The following FOXN3 variants were observed in gnomAD, a reference collection of about 807,000 sequenced individuals.
The protein encoded by FOXN3 is forkhead box N3.
A neutral mutation model predicts 38.4 loss-of-function variants in FOXN3; 7 were observed. That is an observed-to-expected ratio of 0.18 (90% confidence interval 0.10 to 0.34). The LOEUF is 0.34. Among genes scored for constraint, FOXN3 ranks in the 10% least tolerant of loss-of-function variants. The pLI, the probability that FOXN3 is intolerant of heterozygous loss-of-function variation, is 1.00. For missense variants in FOXN3, 456 were observed against 613.4 expected (o/e 0.74, Z 2.71); for synonymous variants, 230 against 242.2 (o/e 0.95, Z 0.47).
chr14:89,435,713 C>A (rs1298669560), intron 1 of FOXN3, among the ~76,000 whole-genome samples: 3 of 152,238 alleles, frequency 2.0e-5, no homozygotes, highest in African/African-American at 7.2e-5. Context: ...CAGCTATCCA[C>A]AGGGATCTGA....
chr14:89,432,166 G>A (rs1395143584), intron 1 of FOXN3, among the ~76,000 whole-genome samples: 1 of 152,178 alleles, frequency 6.6e-6, no homozygotes, highest in African/African-American at 2.4e-5. Flanking sequence ...CTGTGGAAGG[G>A]TATAAAGGAA....
intron 1 of FOXN3, among the ~76,000 whole-genome samples, chr14:89,527,463 T>C (rs564308721): frequency 1.3e-5 from 2 of 152,174 alleles, no homozygotes; most frequent in Non-Finnish European, 2.9e-5. Flanking sequence ...GATAAAATAT[T>C]TGCATATCAC....
intron 3 of FOXN3, among the ~76,000 whole-genome samples, chr14:89,306,454 G>A (rs756524168): frequency 9.2e-5 from 14 of 151,818 alleles, no homozygotes; most frequent in African/African-American, 2.9e-4. Flanking sequence ...TGCAAGCTCC[G>A]CCTCCTGGGT....
At chr14:89,431,795 A>G (rs1400959974) in intron 1 of FOXN3, among the ~76,000 whole-genome samples, 5 of 151,322 alleles carry the variant, frequency 3.3e-5, no homozygotes, top group Admixed American at 2.0e-4. Flanking sequence ...GCTCACTGCA[A>G]CCTCCACCTC....
chr14:89,606,585 C>T (rs1384644561), intron 1 of FOXN3, among the ~76,000 whole-genome samples: 1 of 152,216 alleles, frequency 6.6e-6, no homozygotes, highest in East Asian at 1.9e-4. Context: ...CGCAGTGGCT[C>T]ATGCCTGTAA....
At chr14:89,506,530 C>T (rs1332372175) in intron 1 of FOXN3, among the ~76,000 whole-genome samples, 63 of 150,288 alleles carry the variant, frequency 4.2e-4, no homozygotes, top group Non-Finnish European at 6.7e-4. Flanking sequence ...CCTGGCCAGC[C>T]ACCCCGTCCG....
At chr14:89,285,711 G>T (rs1225392923) in intron 3 of FOXN3, among the ~76,000 whole-genome samples, 2 of 152,118 alleles carry the variant, frequency 1.3e-5, no homozygotes, top group African/African-American at 4.8e-5. Flanking sequence ...ATGGAAGGAG[G>T]AGTAGGGAGT....
intron 1 of FOXN3, among the ~76,000 whole-genome samples, chr14:89,432,811 G>C (rs866775948): frequency 6.6e-6 from 1 of 152,068 alleles, no homozygotes; most frequent in Non-Finnish European, 1.5e-5. Flanking sequence ...GCATTGGTTT[G>C]GTTTGAGTTT....
chr14:89,166,577 C>T (rs1476278659), intron 5 of FOXN3, among the ~76,000 whole-genome samples: 3 of 152,206 alleles, frequency 2.0e-5, no homozygotes, highest in Admixed American at 1.3e-4. Context: ...CTCCCTGTCA[C>T]TCCTGAAGAA....
intron 1 of FOXN3, among the ~76,000 whole-genome samples, chr14:89,480,451 T>C (rs1893303451): frequency 6.6e-6 from 1 of 151,906 alleles, no homozygotes; most frequent in African/African-American, 2.4e-5. Context: ...CATGCTGAAC[T>C]CAGTGTGTTG....
At chr14:89,308,406 C>G (rs532703784) in intron 3 of FOXN3, among the ~76,000 whole-genome samples, 57 of 152,398 alleles carry the variant, frequency 3.7e-4, no homozygotes, top group African/African-American at 1.3e-3. Flanking sequence ...CCGCACCGTT[C>G]TGTGCAGATG....
At chr14:89,562,483 C>T (rs142584184) in intron 1 of FOXN3, among the ~76,000 whole-genome samples, 2 of 152,250 alleles carry the variant, frequency 1.3e-5, no homozygotes, top group South Asian at 2.1e-4. Flanking sequence ...TGGTCTTGAA[C>T]TCCTGACCTC....
At chr14:89,222,673 C>A (rs969455846) in intron 4 of FOXN3, among the ~76,000 whole-genome samples, 10 of 152,134 alleles carry the variant, frequency 6.6e-5, no homozygotes, top group African/African-American at 1.4e-4. Flanking sequence ...GGAAGGCAGC[C>A]CCACCTTCCC....
At position 89,448,477 on chromosome 14, in the gene FOXN3, C is replaced by T. The variant is rs73329205; in HGVS notation, c.-14-35987G>A. On this transcript the variant is annotated intron_variant, in intron 1 of 6. Transcript: ENST00000345097. ...ACCACACCATCCTGTACACAAGGCA[C>T]TCAGGATACAAACGTGATCACCAGC... Among the ~76,000 whole-genome samples, 829 of 152,234 alleles carry T rather than the reference C, an allele frequency of 5.4e-3. 6 individuals are homozygous for T. The highest frequency in any genetic ancestry group is 0.019 in the African/African-American group (786 of 41,554).
intron 2 of FOXN3, among the ~76,000 whole-genome samples, chr14:89,407,551 CT>C (rs1463487243): frequency 1.3e-5 from 2 of 152,172 alleles, no homozygotes; most frequent in African/African-American, 4.8e-5. Context: ...TTCAGCAAGG[CT>C]GGGTGCAGCG....
chr14:89,528,553 T>C (rs562521584), intron 1 of FOXN3, among the ~76,000 whole-genome samples: 4 of 151,904 alleles, frequency 2.6e-5, no homozygotes, highest in African/African-American at 7.3e-5. Context: ...TGTGCCACCA[T>C]GCCTGGCTAA....
At chr14:89,373,086 A>G (rs1890369661) in intron 2 of FOXN3, among the ~76,000 whole-genome samples, 1 of 152,142 alleles carries the variant, frequency 6.6e-6, no homozygotes, top group African/African-American at 2.4e-5. Flanking sequence ...TGATCACTCA[A>G]GCCCAAGAAT....
intron 4 of FOXN3, among the ~76,000 whole-genome samples, chr14:89,231,297 T>C (rs1244300392): frequency 6.6e-6 from 1 of 152,142 alleles, no homozygotes; most frequent in Non-Finnish European, 1.5e-5. Context: ...CCATATCCCA[T>C]ATAATGTTAG....
chr14:89,200,933 A>C (rs1027979854), intron 4 of FOXN3, among the ~76,000 whole-genome samples: 53 of 152,308 alleles, frequency 3.5e-4, no homozygotes, highest in African/African-American at 1.2e-3. Context: ...AATACCAAAA[A>C]ATCTAAACTT....
Sources: gnomAD v4.1 joint callset for allele counts (sites outside exome capture counted in the v4.1 genomes callset) on GRCh38, gnomAD v4.1.1 for gene constraint, MANE v1.5 for transcripts, NCBI Gene and HGNC (gene_info 2026-07-23, HGNC 2026-07-21) for gene names.